Variants in AGBL4 observed in about 807,000 individuals in gnomAD.
AGBL4 encodes the protein cytosolic carboxypeptidase 6.
In AGBL4, 58 loss-of-function variants were observed where a neutral mutation model predicts 66.4. That is an observed-to-expected ratio of 0.87 (90% CI 0.71 to 1.09). AGBL4 has a LOEUF of 1.09. AGBL4 is among the 50% of genes least tolerant of loss of function. The pLI is 0.00. For synonymous variants in AGBL4, 234 were observed against 222.9 expected (o/e 1.05, Z -0.44); for missense variants, 579 against 631.0 (o/e 0.92, Z 0.88).
intron 2 of AGBL4, among the ~76,000 whole-genome samples, chr1:49,759,852 C>G (rs1388275336): frequency 6.6e-6 from 1 of 152,070 alleles, no homozygotes; most frequent in Non-Finnish European, 1.5e-5. Flanking sequence ...TGAAAGAAGC[C>G]AGGTATAAAA....
At chr1:49,208,766 G>T (rs1056097998) in intron 4 of AGBL4, among the ~76,000 whole-genome samples, 2 of 152,022 alleles carry the variant, frequency 1.3e-5, no homozygotes, top group African/African-American at 4.8e-5. Context: ...TCAAATCATT[G>T]TTCCAAAGAA....
intron 5 of AGBL4, among the ~76,000 whole-genome samples, chr1:49,035,819 A>C (rs1571286880): frequency 1.3e-5 from 2 of 152,070 alleles, no homozygotes; most frequent in Non-Finnish European, 2.9e-5. Context: ...GCATATGAAC[A>C]ATTTCTATAT....
intron 3 of AGBL4, among the ~76,000 whole-genome samples, chr1:49,428,419 T>G (rs1164402344): frequency 1.3e-5 from 2 of 152,154 alleles, no homozygotes; most frequent in Non-Finnish European, 2.9e-5. Flanking sequence ...AAACTGAGAA[T>G]GCCACAGGGA....
chr1:49,528,303 T>A (rs1650829081), intron 3 of AGBL4, among the ~76,000 whole-genome samples: 1 of 152,098 alleles, frequency 6.6e-6, no homozygotes, highest in African/African-American at 2.4e-5. Context: ...CGTATCTTAT[T>A]ATAAACTCTT....
intron 2 of AGBL4, among the ~76,000 whole-genome samples, chr1:49,789,680 A>T (rs1644546338): frequency 6.6e-6 from 1 of 152,220 alleles, no homozygotes; most frequent in Non-Finnish European, 1.5e-5. Flanking sequence ...CAAGGAAATA[A>T]GAGAGGACAC....
chr1:49,346,501 T>G (rs1645636017), intron 3 of AGBL4, among the ~76,000 whole-genome samples: 1 of 152,246 alleles, frequency 6.6e-6, no homozygotes, highest in Admixed American at 6.5e-5. Context: ...TTTGCTTCAC[T>G]GTTGTGGACT....
intron 9 of AGBL4, among the ~76,000 whole-genome samples, chr1:48,614,398 G>T (rs541152798): frequency 1.3e-5 from 2 of 152,308 alleles, no homozygotes; most frequent in South Asian, 2.1e-4. Flanking sequence ...GGCTCCAAGG[G>T]TCTGTGATTT....
intron 2 of AGBL4, among the ~76,000 whole-genome samples, chr1:49,850,691 C>T (rs1646281703): frequency 6.6e-6 from 1 of 152,084 alleles, no homozygotes; most frequent in Non-Finnish European, 1.5e-5. Context: ...CACACATACA[C>T]ATACTTATGC....
At chr1:49,406,750 A>T (rs1570641226) in intron 3 of AGBL4, among the ~76,000 whole-genome samples, 1 of 152,068 alleles carries the variant, frequency 6.6e-6, no homozygotes, top group African/African-American at 2.4e-5. Flanking sequence ...TCTGTATTTT[A>T]TTCAATATGA....
chr1:49,738,925 C>A (rs1242014379), intron 2 of AGBL4, among the ~76,000 whole-genome samples: 8 of 152,096 alleles, frequency 5.3e-5, no homozygotes. Flanking sequence ...CATCAAAGAC[C>A]AAAGGTAGAT....
At chr1:49,676,945 G>A (rs1187967408) in intron 3 of AGBL4, among the ~76,000 whole-genome samples, 1 of 152,072 alleles carries the variant, frequency 6.6e-6, no homozygotes, top group East Asian at 1.9e-4. Flanking sequence ...AGAATGCCTA[G>A]TATATTGAGT....
chr1:48,666,072 C>CAG (rs1487169774), intron 6 of AGBL4, among the ~76,000 whole-genome samples: 1 of 152,172 alleles, frequency 6.6e-6, no homozygotes, highest in African/African-American at 2.4e-5. Flanking sequence ...AATGTTGATG[C>CAG]AGGCAGGTAA....
chr1:49,087,036 G>GA (rs113009966), intron 4 of AGBL4, among the ~76,000 whole-genome samples: 13,259 of 139,042 alleles, frequency 0.095, 1,808 homozygotes, highest in African/African-American at 0.31. Context: ...GAAGGTAAAA[G>GA]AAAAAAAAAA....
At chr1:49,627,769 G>T (rs890184790) in intron 3 of AGBL4, among the ~76,000 whole-genome samples, 6 of 152,110 alleles carry the variant, frequency 3.9e-5, no homozygotes, top group African/African-American at 1.4e-4. Context: ...TGGTCATATA[G>T]GATAAGATCA....
At chr1:49,989,343 G>A (rs1036847787) in intron 1 of AGBL4, among the ~76,000 whole-genome samples, 1 of 152,142 alleles carries the variant, frequency 6.6e-6, no homozygotes, top group South Asian at 2.1e-4. Context: ...GGCAGGAAAG[G>A]CTCCAATGGG....
At chr1:49,018,589 G>C (rs903189130) in intron 5 of AGBL4, among the ~76,000 whole-genome samples, 1 of 152,132 alleles carries the variant, frequency 6.6e-6, no homozygotes, top group Non-Finnish European at 1.5e-5. Flanking sequence ...ACACACATTT[G>C]TCAGACATTT....
intron 2 of AGBL4, among the ~76,000 whole-genome samples, chr1:49,830,511 T>C (rs952595049): frequency 1.3e-5 from 2 of 152,228 alleles, no homozygotes; most frequent in African/African-American, 4.8e-5. Context: ...ATATTAGCCC[T>C]TTATCAGATG....
At chr1:49,625,413 G>T (rs1005482703) in intron 3 of AGBL4, among the ~76,000 whole-genome samples, 1 of 152,086 alleles carries the variant, frequency 6.6e-6, no homozygotes, top group Non-Finnish European at 1.5e-5. Flanking sequence ...TCCCCTGAAA[G>T]GTATCTCCAT....
intron 3 of AGBL4, among the ~76,000 whole-genome samples, chr1:49,549,268 T>C (rs1402229827): frequency 6.6e-6 from 1 of 151,878 alleles, no homozygotes; most frequent in East Asian, 1.9e-4. Context: ...TTTTTTTTTT[T>C]CAATTTCATT....
Sources: allele counts gnomAD v4.1 joint callset (sites outside exome capture counted in the v4.1 genomes callset), GRCh38; gene constraint gnomAD v4.1.1; transcripts MANE v1.5; gene names NCBI Gene and HGNC (gene_info 2026-07-23, HGNC 2026-07-21).